CACNA1I: variants seen among roughly 807,000 people sequenced by gnomAD.
CACNA1I encodes the protein calcium voltage-gated channel subunit alpha1 I.
Under a neutral mutation model 201.6 loss-of-function variants are expected in CACNA1I, and 74 were observed. The ratio of observed to expected loss-of-function variants is 0.37; its 90% CI spans 0.30 to 0.45. The LOEUF (loss-of-function observed/expected upper bound fraction) is 0.45, where lower values mean the gene tolerates loss of function less well. Ranked by LOEUF, CACNA1I falls within the 20% of genes least tolerant of loss-of-function variation. The probability of loss-of-function intolerance (pLI) is 1.00; values close to 1 mark genes in which losing one functional copy is unlikely to be tolerated. For synonymous variants in CACNA1I, 1,431 were observed against 1,345.2 expected, an observed-to-expected ratio of 1.06 and a Z score of -1.40; for missense variants, 2,346 against 3,138.1, an observed-to-expected ratio of 0.75 and a Z score of 6.03.
chr22:39,601,026 C>T lies in CACNA1I; in HGVS notation c.482+373C>T, dbSNP rs139181915. Among the ~76,000 whole-genome samples the T allele has an allele frequency of 1.2e-4, 18 of 152,294 alleles. No homozygotes were observed. The East Asian group carries it at 1.4e-3, about 11-fold the overall frequency. Reference sequence around the variant, plus strand: ...GATTGCTATCCTGGATCTCTCATCACGCCAGAGACCGAGCACAGACTCAAG... The same window carrying T: ...GATTGCTATCCTGGATCTCTCATCATGCCAGAGACCGAGCACAGACTCAAG... On this transcript the variant is annotated intron_variant, in intron 3 of 36. Transcript: ENST00000402142.
chr22:39,672,338 A>G (rs1379482396), intron 27 of CACNA1I, 30 bp downstream of exon 27: 1 of 1,415,256 alleles, frequency 7.1e-7, no homozygotes, highest in African/African-American at 1.4e-5. Context: ...TAGGGCAGTA[A>G]TAGGGTAGAC....
chr22:39,637,735 T>G (rs73424182), intron 5 of CACNA1I, among the ~76,000 whole-genome samples: 2 of 152,204 alleles, frequency 1.3e-5, no homozygotes, highest in African/African-American at 2.4e-5. Flanking sequence ...GATGAATGAA[T>G]CTCTTAGTTG....
chr22:39,598,288 C>CGCCCCGCCCCGCCCCGCCCT, intron 2 of CACNA1I, 26 bp downstream of exon 2: 9 of 1,215,222 alleles, frequency 7.4e-6, no homozygotes, highest in African/African-American at 7.0e-5. Context: ...CGCCCCGCCC[C>CGCCCCGCCCCGCCCCGCCCT]GCCCTGCCCT....
intron 2 of CACNA1I, 121 bp downstream of exon 2, chr22:39,598,383 C>T: frequency 1.6e-6 from 1 of 632,764 alleles, no homozygotes; most frequent in Non-Finnish European, 2.9e-6. Context: ...CCATGCCCCG[C>T]CCCGCTCCGT....
chr22:39,642,756 T>G, intron 6 of CACNA1I, 41 bp from the exon 7 acceptor site: 1 of 1,450,596 alleles, frequency 6.9e-7, no homozygotes, highest in Non-Finnish European at 9.5e-7. Context: ...GGCTTTCTGA[T>G]GGGCCAGTCC....
Position 39,684,292 on chromosome 22 carries a change from T to A in CACNA1I, c.5831-10T>A. 6.2e-7 allele frequency: 1 copy of A among 1,612,910 alleles called. No homozygotes were observed. The highest frequency in any genetic ancestry group is 8.5e-7 in the Non-Finnish European group (1 of 1,179,576). Reference sequence around the variant, plus strand: ...TGCTCCCTCAGCTCTGTCTTCTCCTTTCCCAGCAGCACCCCCAAGTCCCTT... The same window carrying A: ...TGCTCCCTCAGCTCTGTCTTCTCCTATCCCAGCAGCACCCCCAAGTCCCTT... On this transcript the variant is annotated splice_polypyrimidine_tract_variant and intron_variant, in intron 35 of 36. Coordinates refer to ENST00000402142, the MANE Select transcript of CACNA1I (RefSeq NM_021096.4). This position sits in a 1 kb window ranked among gnomAD's most constrained non-coding sequence, Gnocchi z 4.6.
At chr22:39,615,098 T>C (rs554839945) in intron 3 of CACNA1I, among the ~76,000 whole-genome samples, 27 of 152,272 alleles carry the variant, frequency 1.8e-4, no homozygotes, top group African/African-American at 6.0e-4. Context: ...CCTTCTCTTT[T>C]TGGAATGTGG....
In CACNA1I at chr22:39,678,027, T is replaced by G. The variant is rs1410991029; in HGVS notation, c.4974T>G (p.His1658Gln). Reference protein sequence around the residue: ...DENPCEGMSRHATFENFGMAF... With the variant: ...DENPCEGMSRQATFENFGMAF... ...ACCCGTGCGAGGGCATGAGCCGGCA[T>G]GCCACCTTCGAGAACTTCGGCATGG... The change falls in exon 31 of 37, where the codon CAT becomes CAG. Residue 1658 changes from histidine (H) to glutamine (Q), a missense_variant. Around this residue, in one of 13 missense-constraint regions of CACNA1I, gnomAD observed 64 missense variants for 131.8 expected, o/e 0.49. Coordinates refer to ENST00000402142, the MANE Select transcript of CACNA1I (RefSeq NM_021096.4). The G allele has an allele frequency of 6.2e-7, 1 of 1,603,174 alleles. No homozygotes were observed. Among genetic ancestry groups the G allele is most frequent in the South Asian group, 1.1e-5 (1 of 88,832 alleles).
intron 3 of CACNA1I, among the ~76,000 whole-genome samples, chr22:39,613,914 T>A (rs996541937): frequency 6.6e-6 from 1 of 152,146 alleles, no homozygotes; most frequent in East Asian, 1.9e-4. Flanking sequence ...CTCAGCTCAC[T>A]GCAACCTCCG....
rs1364406224 is a variant in CACNA1I at position 39,666,953 on chromosome 22, C to G, written c.4104+947C>G. ...GTGCCCGTGCTCCTGACCCCCTTCACCTATGGGCCCCGCCCCAGTGCCAGC... is the reference window on the plus strand; with the variant it reads ...GTGCCCGTGCTCCTGACCCCCTTCAGCTATGGGCCCCGCCCCAGTGCCAGC... On this transcript the variant is annotated intron_variant, in intron 23 of 36. Coordinates refer to ENST00000402142, the MANE Select transcript of CACNA1I (RefSeq NM_021096.4). This position sits in a 1 kb window ranked among gnomAD's most constrained non-coding sequence, Gnocchi z 4.1. 2.0e-5 allele frequency among the ~76,000 whole-genome samples: 3 copies of G among 152,234 alleles called. No homozygotes were observed. The highest frequency in any genetic ancestry group is 2.9e-5 in the Non-Finnish European group (2 of 68,032).
Position 39,662,107 on chromosome 22 carries a change from C to T in CACNA1I, c.3044C>T (p.Ala1015Val). 1 of 1,527,862 alleles carries T rather than the reference C, an allele frequency of 6.5e-7. No individual in the cohort carries two copies. Among genetic ancestry groups the T allele is most frequent in the African/African-American group, 1.4e-5 (1 of 70,032 alleles). 94.6% of individuals were successfully genotyped at this position (1,527,862 alleles called of 1,614,324 possible). A position where few individuals can be genotyped will look rare whatever the true frequency, so the allele number is the denominator to read the frequency against. ...SLLSAERGGG[A>V]RVCEVAADEG... is the part of the protein sequence containing the mutation. ...CTCTCTGCGGAGCGCGGCGGCGGCG[C>T]CCGGGTCTGCGAGGTTGCCGCGGAC... Residue 1015 changes from alanine (A) to valine (V), a missense_variant, in exon 17 of 37, where the codon GCC becomes GTC. This residue lies in a region of CACNA1I where 288 missense variants were observed against 255.2 expected (regional missense o/e 1.13). Coordinates refer to ENST00000402142, the MANE Select transcript of CACNA1I (RefSeq NM_021096.4).
chr22:39,641,229 C>T, intron 6 of CACNA1I, 47 bp downstream of exon 6: 1 of 1,522,774 alleles, frequency 6.6e-7, no homozygotes, highest in South Asian at 1.2e-5. Context: ...GAGTGGGCAG[C>T]TCTGCCTGGT....
chr22:39,626,916 CT>C (rs1200940619), intron 4 of CACNA1I, among the ~76,000 whole-genome samples: 1 of 152,196 alleles, frequency 6.6e-6, no homozygotes, highest in African/African-American at 2.4e-5. Flanking sequence ...GTCATTTCAT[CT>C]TCACTACAGC....
At position 39,598,574 on chromosome 22, in the gene CACNA1I, TCTC is replaced by T. The variant is rs1932947635; in HGVS notation, c.348+315_348+317del. On this transcript the variant is annotated intron_variant, in intron 2 of 36. Transcript: ENST00000402142. ...TCTACCTTAGTCCAGGCCTCAATCT[TCTC>T]CTACCCGGGTGCCCCCACCAGCCTT... Among the ~76,000 whole-genome samples, 4 of 151,672 alleles carry T rather than the reference TCTC, an allele frequency of 2.6e-5. No homozygotes were observed. In the South Asian group the frequency reaches 8.3e-4, roughly 32 times the overall value.
At chr22:39,636,203 A>G (rs962727910) in intron 5 of CACNA1I, among the ~76,000 whole-genome samples, 2 of 152,058 alleles carry the variant, frequency 1.3e-5, no homozygotes, top group African/African-American at 4.8e-5. Context: ...CCGTTCCCTG[A>G]TGTCTCCTCC....
chr22:39,688,319 G>A lies in CACNA1I; in HGVS notation c.*1914G>A. The A allele has an allele frequency of 6.6e-6, 1 of 152,658 alleles. No individual in the cohort carries two copies. Among genetic ancestry groups the A allele is most frequent in the Non-Finnish European group, 1.5e-5 (1 of 68,310 alleles). 9.5% of individuals were successfully genotyped at this position (152,658 alleles called of 1,614,324 possible). ...GGGGGCAGGTAGACCTGTGGGGATG[G>A]CTCGGTCCAAGCCCAACACTGCCCG... is the stretch of plus-strand genomic sequence containing the variant. On this transcript the variant is annotated 3_prime_UTR_variant, in exon 37 of 37. Coordinates refer to ENST00000402142, the MANE Select transcript of CACNA1I (RefSeq NM_021096.4). This position sits in a 1 kb window ranked among gnomAD's most constrained non-coding sequence, Gnocchi z 4.8.
Position 39,659,660 on chromosome 22 carries a change from T to G in CACNA1I, c.2449-37T>G, listed in dbSNP as rs747010993. Reference sequence around the variant, plus strand: ...CTCCTTGTAGAGCCTAGCCCTGGACTAGGGGTACCCCAGGGCTAACTGTGT... The same window carrying G: ...CTCCTTGTAGAGCCTAGCCCTGGACGAGGGGTACCCCAGGGCTAACTGTGT... On this transcript the variant is annotated intron_variant, in intron 13 of 36. Coordinates refer to ENST00000402142, the MANE Select transcript of CACNA1I (RefSeq NM_021096.4). This position sits in a 1 kb window ranked among gnomAD's most constrained non-coding sequence, Gnocchi z 4.3. The G allele has an allele frequency of 1.2e-6, 2 of 1,612,884 alleles. No individual in the cohort carries two copies. Among genetic ancestry groups the G allele is most frequent in the Non-Finnish European group, 1.7e-6 (2 of 1,179,218 alleles).
At chr22:39,646,993 G>A in intron 8 of CACNA1I, 112 bp downstream of exon 8, 1 of 1,411,262 alleles carries the variant, frequency 7.1e-7, no homozygotes, top group South Asian at 1.5e-5. Flanking sequence ...TTCACTTCAT[G>A]CTCAAGTGTT....
rs377186179 is a variant in CACNA1I, at chr22:39,675,272, T to C, written c.4854+1239T>C. The stretch of plus-strand genomic sequence containing the variant: ...TGAGGTGTCAGATGGTTAAAGCTTA[T>C]GAAGCACTTAAGAGGTCTGGTTCAT... On this transcript the variant is annotated intron_variant, in intron 29 of 36. Transcript: ENST00000402142. Among the ~76,000 whole-genome samples the C allele has an allele frequency of 7.2e-5, 11 of 152,352 alleles. 1 individual carries two copies. Among genetic ancestry groups the C allele is most frequent in the Admixed American group, 2.0e-4 (3 of 15,302 alleles).
Sources: gnomAD v4.1 joint callset for allele counts (sites outside exome capture counted in the v4.1 genomes callset) on GRCh38, gnomAD v4.1.1 for gene constraint, gnomAD v4.1.1 regional missense constraint, Gnocchi (gnomAD v3.1) non-coding constraint, MANE v1.5 for transcripts, NCBI Gene and HGNC (gene_info 2026-07-23, HGNC 2026-07-21) for gene names.